ATL3: variants seen among roughly 807,000 people sequenced by gnomAD.
ATL3 encodes the protein atlastin-3.
A neutral mutation model predicts 69.5 loss-of-function variants in ATL3; 49 were observed. The observed-to-expected ratio is 0.71, with a 90% CI of 0.56 to 0.89. The LOEUF (loss-of-function observed/expected upper bound fraction) is 0.89. Among genes scored for constraint, ATL3 ranks in the 40% least tolerant of loss-of-function variants. The pLI is 0.00. For synonymous variants in ATL3, 214 were observed against 224.1 expected, an observed-to-expected ratio of 0.95 and a Z score of 0.40; for missense variants, 606 against 645.7, an observed-to-expected ratio of 0.94 and a Z score of 0.67.
chr11:63,642,939 A>G (rs1305747405), intron 8 of ATL3, among the ~76,000 whole-genome samples: 1 of 152,222 alleles, frequency 6.6e-6, no homozygotes, highest in East Asian at 1.9e-4. Flanking sequence ...GCACTTCCTG[A>G]TATTAGCACA....
chr11:63,643,361 T>TA lies in ATL3; in HGVS notation c.845dup (p.Leu282PhefsTer7). 6.2e-7 allele frequency: 1 copy of TA among 1,605,756 alleles called. No homozygotes were observed. Among genetic ancestry groups the TA allele is most frequent in the Non-Finnish European group, 8.5e-7 (1 of 1,176,768 alleles). ...AAAATAACACCTGGAACACACCTTT[T>TA]AATTTCCCATCAAAGTCAGGGCTTG... On this transcript the variant is annotated frameshift_variant, in exon 8 of 13. Transcript: ENST00000398868. LOFTEE classifies it high-confidence loss of function.
At chr11:63,632,188 C>A in intron 11 of ATL3, 1 of 560,474 alleles carries the variant, frequency 1.8e-6, no homozygotes, top group Non-Finnish European at 3.4e-6. Context: ...TAGAACAGAT[C>A]TATGACCAAT....
chr11:63,652,003 C>A lies in ATL3; in HGVS notation c.511-17G>T. On this transcript the variant is annotated splice_polypyrimidine_tract_variant and intron_variant, in intron 4 of 12. Transcript: ENST00000398868. ...ATTATAAATCTAGAAAACAAAAATC[C>A]AGATTGATACTACTCTGGCTTACTT... is the stretch of plus-strand genomic sequence containing the variant. 1 of 1,599,626 alleles carries A rather than the reference C, an allele frequency of 6.3e-7. No homozygotes were observed. Among genetic ancestry groups the A allele is most frequent in the South Asian group, 1.1e-5 (1 of 87,506 alleles).
At chr11:63,649,140 A>G (rs1939987336) in intron 5 of ATL3, among the ~76,000 whole-genome samples, 1 of 152,202 alleles carries the variant, frequency 6.6e-6, no homozygotes, top group South Asian at 2.1e-4. Context: ...AAATAAAAAA[A>G]GTACTAAAAA....
At chr11:63,645,066 G>A (rs1939824954) in intron 6 of ATL3, among the ~76,000 whole-genome samples, 1 of 150,168 alleles carries the variant, frequency 6.7e-6, no homozygotes, top group Non-Finnish European at 1.5e-5. Context: ...GGGTGACAGA[G>A]CGAGACTCTG....
Position 63,626,978 on chromosome 11 carries a change from T to C in ATL3, c.*2341A>G, listed in dbSNP as rs914366580. Reference sequence around the variant, plus strand: ...AATGGTGAAGAGGACTTCCTCTGGATAATTAAACCAAGGTCTCTTTATAAG... The same window carrying C: ...AATGGTGAAGAGGACTTCCTCTGGACAATTAAACCAAGGTCTCTTTATAAG... On this transcript the variant is annotated 3_prime_UTR_variant, in exon 13 of 13. Transcript: ENST00000398868. The C allele has an allele frequency of 1.6e-4, 24 of 151,938 alleles. No homozygotes were observed. The highest frequency in any genetic ancestry group is 5.6e-4 in the African/African-American group (23 of 41,392). The allele number at this position is 151,938 out of a possible 1,614,324, so 9.4% of individuals were successfully genotyped here.
chr11:63,671,709 T>C (rs1413520920), upstream of ATL3: 5 of 1,288,696 alleles, frequency 3.9e-6, no homozygotes, highest in South Asian at 6.5e-5. Context: ...CGGCCAGCGG[T>C]CCTCATACTG....
At chr11:63,665,364 G>T (rs892882833) in intron 1 of ATL3, among the ~76,000 whole-genome samples, 1 of 145,110 alleles carries the variant, frequency 6.9e-6, no homozygotes, top group Non-Finnish European at 1.5e-5. Flanking sequence ...AAAAAAAAAA[G>T]AAGAATGTAT....
chr11:63,671,698 C>G (rs1208331547), upstream of ATL3: 1 of 1,307,152 alleles, frequency 7.7e-7, no homozygotes, highest in Non-Finnish European at 9.9e-7. Flanking sequence ...TCACTGGGTC[C>G]CGGCCAGCGG....
chr11:63,640,743 T>G (rs1047361790), intron 8 of ATL3, among the ~76,000 whole-genome samples: 3 of 151,832 alleles, frequency 2.0e-5, no homozygotes, highest in Non-Finnish European at 4.4e-5. Context: ...TAGCTGGGAT[T>G]ACAGGCACCT....
chr11:63,639,199 C>T (rs966827439), intron 8 of ATL3, among the ~76,000 whole-genome samples: 4 of 152,166 alleles, frequency 2.6e-5, no homozygotes, highest in Non-Finnish European at 4.4e-5. Flanking sequence ...AAATCACCCG[C>T]TATTTGCAAT....
intron 8 of ATL3, among the ~76,000 whole-genome samples, chr11:63,637,209 G>A (rs1161294134): frequency 6.6e-6 from 1 of 151,486 alleles, no homozygotes; most frequent in Non-Finnish European, 1.5e-5. Context: ...CCGGAAGGCA[G>A]AGGTTGCAGT....
chr11:63,671,441 C>G (rs1273767252), upstream of ATL3: 2 of 1,494,826 alleles, frequency 1.3e-6, no homozygotes, highest in Non-Finnish European at 1.8e-6. Context: ...GGAGCCTGGG[C>G]TCTAGAAAAA....
chr11:63,661,384 TA>T (rs993188724), intron 1 of ATL3, among the ~76,000 whole-genome samples: 5 of 152,162 alleles, frequency 3.3e-5, no homozygotes, highest in Non-Finnish European at 5.9e-5. Context: ...AGTTCAAAAT[TA>T]AGCACTAACT....
intron 10 of ATL3, among the ~76,000 whole-genome samples, chr11:63,635,219 G>T (rs143516668): frequency 3.2e-4 from 48 of 152,148 alleles, no homozygotes; most frequent in Admixed American, 1.5e-3. Flanking sequence ...CAGATGACAA[G>T]AACTTGCTTG....
intron 5 of ATL3, chr11:63,650,763 AT>A (rs1317220025): frequency 6.6e-6 from 1 of 152,182 alleles, no homozygotes; most frequent in Non-Finnish European, 1.5e-5. Context: ...CATTCGAAAA[AT>A]GGTTGAAAGG....
chr11:63,669,011 G>T (rs111799419), intron 1 of ATL3, among the ~76,000 whole-genome samples: 1,702 of 121,416 alleles, frequency 0.014, 58 homozygotes, highest in African/African-American at 0.048. Flanking sequence ...ATTTTTTTTT[G>T]GGTGGGGGGG....
In ATL3 at chr11:63,658,831, G is replaced by C; in HGVS notation, c.335C>G (p.Ser112Cys). 1 of 1,612,922 alleles carries C rather than the reference G, an allele frequency of 6.2e-7. No homozygotes were observed. Among genetic ancestry groups the C allele is most frequent in the East Asian group, 2.2e-5 (1 of 44,802 alleles). ...TTGAATCCCAGTGGTTTCTGGATCAGATCCCCCTCTCCAGGAAAATCCTGT... is the reference window on the plus strand; with the variant it reads ...TTGAATCCCAGTGGTTTCTGGATCACATCCCCCTCTCCAGGAAAATCCTGT... ...PLTGFSWRGG[S>C]DPETTGIQIW... The change falls in exon 3 of 13, where the codon TCT becomes TGT. Residue 112 changes from serine (S) to cysteine (C), a missense_variant. Transcript: ENST00000398868.
chr11:63,652,917 G>A (rs1940125627), intron 3 of ATL3, among the ~76,000 whole-genome samples: 1 of 152,180 alleles, frequency 6.6e-6, no homozygotes, highest in Admixed American at 6.5e-5. Context: ...TCTTGGCCAG[G>A]TGCAGTGGCT....
Sources: gnomAD v4.1 joint callset for allele counts (sites outside exome capture counted in the v4.1 genomes callset) on GRCh38, gnomAD v4.1.1 for gene constraint, MANE v1.5 for transcripts, NCBI Gene and HGNC (gene_info 2026-07-23, HGNC 2026-07-21) for gene names.